Variants in COLEC10 observed in about 807,000 individuals in gnomAD.
The protein encoded by COLEC10 is collectin subfamily member 10.
Under a neutral mutation model 28.4 loss-of-function variants are expected in COLEC10, and 22 were observed. The observed-to-expected ratio is 0.78, with a 90% CI of 0.55 to 1.11. The LOEUF (loss-of-function observed/expected upper bound fraction) is 1.11, where lower values mean the gene tolerates loss of function less well. Ranked by LOEUF, COLEC10 falls within the 50% of genes least tolerant of loss-of-function variation. The probability of loss-of-function intolerance (pLI) is 0.00; values close to 1 mark genes in which losing one functional copy is unlikely to be tolerated. For missense variants in COLEC10, 361 were observed against 344.1 expected, an observed-to-expected ratio of 1.05 and a Z score of -0.39; for synonymous variants, 125 against 116.1, an observed-to-expected ratio of 1.08 and a Z score of -0.49.
chr8:119,014,148 C>T (rs1040404604), intron 2 of COLEC10, among the ~76,000 whole-genome samples: 3 of 150,668 alleles, frequency 2.0e-5, no homozygotes, highest in Admixed American at 6.6e-5. Flanking sequence ...TTTATCCTCA[C>T]TTATTCTTTT....
chr8:119,085,599 C>CTTCTTTTTTTTTTTTT (rs1563739053), intron 1 of COLEC10, among the ~76,000 whole-genome samples: 4 of 63,554 alleles, frequency 6.3e-5, no homozygotes, highest in East Asian at 5.9e-4. Flanking sequence ...TCTTCTTCTT[C>CTTCTTTTTTTTTTTTT]TTTTTTTTTT....
intron 2 of COLEC10, among the ~76,000 whole-genome samples, chr8:119,022,580 C>A (rs1408648758): frequency 1.3e-5 from 2 of 151,894 alleles, no homozygotes; most frequent in African/African-American, 2.4e-5. Context: ...TTATTTTGAC[C>A]TGTTTTTTTC....
At chr8:119,029,903 G>C (rs1814257384) in intron 2 of COLEC10, among the ~76,000 whole-genome samples, 1 of 152,194 alleles carries the variant, frequency 6.6e-6, no homozygotes, top group Non-Finnish European at 1.5e-5. Flanking sequence ...AGCAGCATGG[G>C]TTGACCAGGA....
upstream of COLEC10, among the ~76,000 whole-genome samples, chr8:119,064,938 C>T (rs188373246): frequency 2.4e-3 from 364 of 152,174 alleles, no homozygotes; most frequent in Non-Finnish European, 3.1e-3. Flanking sequence ...ATGAGATAAA[C>T]GCAAGTTGAG....
chr8:119,010,767 C>T (rs1322690204), intron 2 of COLEC10, among the ~76,000 whole-genome samples: 2 of 150,940 alleles, frequency 1.3e-5, no homozygotes, highest in East Asian at 1.9e-4. Context: ...AGTAGAACAC[C>T]TTTTCATATG....
chr8:119,091,018 T>C (rs1290457630), intron 2 of COLEC10, 131 bp from the exon 3 acceptor site: 8 of 715,044 alleles, frequency 1.1e-5, no homozygotes, highest in Non-Finnish European at 1.7e-5. Flanking sequence ...CAATATAGCA[T>C]GGGATATATA....
chr8:118,952,902 G>T, the COLEC10 span, among the ~76,000 whole-genome samples: 1 of 152,166 alleles, frequency 6.6e-6, no homozygotes, highest in Admixed American at 6.5e-5. Context: ...ACAGTTCGCG[G>T]GTTGCCACTG....
chr8:119,036,981 A>T (rs891157582), intron 2 of COLEC10, among the ~76,000 whole-genome samples: 1 of 152,156 alleles, frequency 6.6e-6, no homozygotes, highest in African/African-American at 2.4e-5. Flanking sequence ...GCTAAAACCA[A>T]GCAGAAGCCA....
the COLEC10 span, among the ~76,000 whole-genome samples, chr8:118,972,740 A>G: frequency 6.6e-6 from 1 of 151,878 alleles, no homozygotes; most frequent in Admixed American, 6.6e-5. Context: ...TTCTAGCATA[A>G]TCATTACTGT....
chr8:119,084,783 T>A (rs954186215), intron 1 of COLEC10, among the ~76,000 whole-genome samples: 3 of 152,216 alleles, frequency 2.0e-5, no homozygotes, highest in African/African-American at 7.2e-5. Context: ...AATAAATACA[T>A]GAAGCAATGA....
At chr8:119,061,038 G>C (rs1011838743) in intron 2 of COLEC10, among the ~76,000 whole-genome samples, 3 of 151,942 alleles carry the variant, frequency 2.0e-5, no homozygotes, top group Admixed American at 2.0e-4. Flanking sequence ...TATAAAGGAA[G>C]AAAAATTAGA....
the COLEC10 span, among the ~76,000 whole-genome samples, chr8:118,961,748 G>A: frequency 1.3e-5 from 2 of 152,204 alleles, no homozygotes; most frequent in South Asian, 4.1e-4. Context: ...ACCATTCTTG[G>A]GCAGCTATTA....
Position 119,076,482 on chromosome 8 carries a change from T to C in COLEC10, c.148+9053T>C, listed in dbSNP as rs576491274. The stretch of plus-strand genomic sequence containing the variant: ...TTCACCATGTTGGCCAGGCTGGTCT[T>C]GAACTCCTGACCTCAGGTGATCCAC... On this transcript the variant is annotated intron_variant, in intron 1 of 5. Transcript: ENST00000332843. Among the ~76,000 whole-genome samples the C allele has an allele frequency of 4.6e-5, 7 of 152,174 alleles. No homozygotes were observed. The South Asian group carries it at 1.2e-3, about 27-fold the overall frequency.
intron 2 of COLEC10, among the ~76,000 whole-genome samples, chr8:119,039,953 T>C (rs1814462996): frequency 6.6e-6 from 1 of 152,188 alleles, no homozygotes; most frequent in Non-Finnish European, 1.5e-5. Flanking sequence ...TTAATTTCCC[T>C]TGGGTGTGTA....
rs1305333479 is a variant in COLEC10 at position 119,049,408 on chromosome 8, T to C, written n.235+39855T>C. On this transcript the variant is annotated intron_variant and non_coding_transcript_variant, in intron 2 of 6. Transcript: ENST00000521788. Reference sequence around the variant, plus strand: ...GCATAGGTATTTTCTTTTCTTTTTTTTTTTTTTTTTTTTTTTTTTTTTTTG... The same window carrying C: ...GCATAGGTATTTTCTTTTCTTTTTTCTTTTTTTTTTTTTTTTTTTTTTTTG... Among the ~76,000 whole-genome samples, 22 of 99,380 alleles carry C rather than the reference T, an allele frequency of 2.2e-4. No homozygotes were observed. The East Asian group carries it at 2.9e-3, about 13-fold the overall frequency. 65.2% of individuals were successfully genotyped at this position (99,380 alleles called of 152,430 possible). A position where few individuals can be genotyped will look rare whatever the true frequency, so the allele number is the denominator to read the frequency against.
Position 119,009,154 on chromosome 8 carries a change from T to C in COLEC10, n.123-287T>C, listed in dbSNP as rs945150084. ...GGTGAGGAAAGGAGGAAGAGACCAC[T>C]GGCCCATACCATTCTATGTATATCA... On this transcript the variant is annotated intron_variant and non_coding_transcript_variant, in intron 1 of 6. Coordinates refer to the COLEC10 transcript ENST00000521788. 3.3e-5 allele frequency among the ~76,000 whole-genome samples: 5 copies of C among 150,966 alleles called. 2 individuals are homozygous for C. The highest frequency in any genetic ancestry group is 9.9e-5 in the African/African-American group (4 of 40,366).
chr8:119,098,692 A>AG (rs1815766437), intron 3 of COLEC10, among the ~76,000 whole-genome samples: 1 of 151,974 alleles, frequency 6.6e-6, no homozygotes, highest in South Asian at 2.1e-4. Context: ...ATTTCTTACA[A>AG]CTTGTTTCTC....
the COLEC10 span, among the ~76,000 whole-genome samples, chr8:118,987,929 C>T: frequency 6.6e-6 from 1 of 152,138 alleles, no homozygotes; most frequent in African/African-American, 2.4e-5. Context: ...GAAGTCATCA[C>T]TCCTGTCCTT....
chr8:119,082,984 C>A (rs779940242), intron 1 of COLEC10, among the ~76,000 whole-genome samples: 4 of 152,176 alleles, frequency 2.6e-5, no homozygotes, highest in Non-Finnish European at 2.9e-5. Flanking sequence ...TCTCCTGAGG[C>A]TTTGACCTCT....
Sources: gnomAD v4.1 joint callset for allele counts (sites outside exome capture counted in the v4.1 genomes callset) on GRCh38, gnomAD v4.1.1 for gene constraint, MANE v1.5 for transcripts, NCBI Gene and HGNC (gene_info 2026-07-23, HGNC 2026-07-21) for gene names.